EIF2AK2: variants seen among roughly 807,000 people sequenced by gnomAD.
EIF2AK2 encodes the protein eukaryotic translation initiation factor 2 alpha kinase 2.
Under a neutral mutation model 70.5 loss-of-function variants are expected in EIF2AK2, and 40 were observed. The ratio of observed to expected loss-of-function variants is 0.57; its 90% CI spans 0.44 to 0.74. The LOEUF is 0.74. Ranked by LOEUF, EIF2AK2 falls within the 30% of genes least tolerant of loss-of-function variation. EIF2AK2 has a pLI of 0.00. For missense variants in EIF2AK2, 555 were observed against 644.3 expected, an observed-to-expected ratio of 0.86 and a Z score of 1.50; for synonymous variants, 198 against 220.9, an observed-to-expected ratio of 0.90 and a Z score of 0.92.
At position 37,101,846 on chromosome 2, in the gene EIF2AK2, A is replaced by AT. The variant is rs1673834921; in HGVS notation, c.*5426dup. ...TATGATAATTAAGGAAATCTTGTCAATTTTTTGAGTGTGACAATGATGCTG... is the reference window on the plus strand; with the variant it reads ...TATGATAATTAAGGAAATCTTGTCAATTTTTTTGAGTGTGACAATGATGCTG... On this transcript the variant is annotated 3_prime_UTR_variant, in exon 17 of 17. Transcript: ENST00000233057. 1.3e-5 allele frequency: 2 copies of AT among 152,220 alleles called. No individual in the cohort carries two copies. Among genetic ancestry groups the AT allele is most frequent in the Non-Finnish European group, 2.9e-5 (2 of 68,038 alleles). The allele number at this position is 152,220 out of a possible 1,614,324, so 9.4% of individuals were successfully genotyped here. A position where few individuals can be genotyped will look rare whatever the true frequency, so the allele number is the denominator to read the frequency against.
At chr2:37,114,110 AT>A (rs772660364) in intron 14 of EIF2AK2, among the ~76,000 whole-genome samples, 13 of 152,162 alleles carry the variant, frequency 8.5e-5, no homozygotes, top group Non-Finnish European at 1.3e-4. Context: ...TGTCTCTACA[AT>A]AAATAAGTAA....
intron 13 of EIF2AK2, among the ~76,000 whole-genome samples, chr2:37,119,499 A>T (rs2148674778): frequency 6.6e-6 from 1 of 152,292 alleles, no homozygotes; most frequent in South Asian, 2.1e-4. Flanking sequence ...ATTTGCATGG[A>T]AATGTTCAGA....
chr2:37,132,635 C>T (rs573422742), intron 10 of EIF2AK2, among the ~76,000 whole-genome samples: 53 of 152,258 alleles, frequency 3.5e-4, no homozygotes, highest in South Asian at 2.1e-3. Flanking sequence ...ACATCCACAA[C>T]CTCTTGCACA....
chr2:37,154,718 G>A (rs182086575), intron 1 of EIF2AK2, among the ~76,000 whole-genome samples: 1,701 of 151,940 alleles, frequency 0.011, 29 homozygotes, highest in African/African-American at 0.039. Flanking sequence ...CCACCACCAC[G>A]CCCGGCTAAT....
At chr2:37,133,312 C>G (rs1675012934) in intron 10 of EIF2AK2, among the ~76,000 whole-genome samples, 1 of 152,138 alleles carries the variant, frequency 6.6e-6, no homozygotes. Context: ...TCCTTTTGTT[C>G]CACCTCAGGG....
chr2:37,146,830 T>C (rs1164173287), intron 4 of EIF2AK2, 23 bp downstream of exon 4: 3 of 1,470,486 alleles, frequency 2.0e-6, no homozygotes, highest in African/African-American at 2.1e-5. Flanking sequence ...TCCCATTTAT[T>C]AGGAAAAAAG....
intron 13 of EIF2AK2, among the ~76,000 whole-genome samples, chr2:37,115,840 A>C (rs1462497282): frequency 6.6e-6 from 1 of 152,070 alleles, no homozygotes; most frequent in Non-Finnish European, 1.5e-5. Flanking sequence ...CTAGCTCTGA[A>C]ATATTTTTAT....
chr2:37,136,808 C>T (rs1195688351), intron 9 of EIF2AK2, 175 bp downstream of exon 9: 2 of 536,676 alleles, frequency 3.7e-6, no homozygotes, highest in Non-Finnish European at 6.5e-6. Flanking sequence ...AGCATGTGCA[C>T]ATAGTCAAAG....
intron 2 of EIF2AK2, 66 bp from the exon 3 acceptor site, chr2:37,147,888 G>T: frequency 8.6e-7 from 1 of 1,161,140 alleles, no homozygotes; most frequent in Non-Finnish European, 1.3e-6. Context: ...GTTTCCCAAT[G>T]CAGTTTAGGA....
At position 37,108,602 on chromosome 2, in the gene EIF2AK2, C is replaced by T. The variant is rs530333537; in HGVS notation, c.1479+592G>A. ...TTATTTATTTAGAGATGGAATGTCA[C>T]TCTGTCACCCAGGCTGGAGTGCAGT... On this transcript the variant is annotated intron_variant, in intron 15 of 16. Coordinates refer to ENST00000233057, the MANE Select transcript of EIF2AK2 (RefSeq NM_001135651.3). Among the ~76,000 whole-genome samples, 3 of 152,308 alleles carry T rather than the reference C, an allele frequency of 2.0e-5. No homozygotes were observed. In the South Asian group the frequency reaches 6.2e-4, roughly 32 times the overall value.
chr2:37,108,990 G>A (rs560611461), intron 15 of EIF2AK2, among the ~76,000 whole-genome samples: 146 of 152,310 alleles, frequency 9.6e-4, no homozygotes, highest in African/African-American at 3.0e-3. Context: ...CTACCTTCCA[G>A]GGAAGATCAA....
chr2:37,132,244 C>A (rs1260670727), intron 10 of EIF2AK2, among the ~76,000 whole-genome samples: 1 of 152,140 alleles, frequency 6.6e-6, no homozygotes, highest in Non-Finnish European at 1.5e-5. Flanking sequence ...AGCGGGGGCA[C>A]AATTCAAACT....
intron 11 of EIF2AK2, 42 bp downstream of exon 11, chr2:37,126,247 C>T (rs765095885): frequency 9.1e-6 from 14 of 1,539,156 alleles, no homozygotes; most frequent in East Asian, 2.3e-5. Context: ...GCAGATTCAG[C>T]GTACCTTGCC....
At chr2:37,156,055 A>G (rs1675911849) in intron 1 of EIF2AK2, among the ~76,000 whole-genome samples, 1 of 152,104 alleles carries the variant, frequency 6.6e-6, no homozygotes, top group Non-Finnish European at 1.5e-5. Context: ...TTTCTTGTAT[A>G]GGCAGGTTGT....
intron 5 of EIF2AK2, 85 bp from the exon 6 acceptor site, chr2:37,139,842 CA>C: frequency 7.3e-7 from 1 of 1,370,268 alleles, no homozygotes; most frequent in Non-Finnish European, 1.0e-6. Flanking sequence ...AACATATTAA[CA>C]GAGATCTTAA....
intron 10 of EIF2AK2, among the ~76,000 whole-genome samples, chr2:37,134,805 C>A (rs1210102418): frequency 1.3e-5 from 2 of 152,188 alleles, no homozygotes; most frequent in African/African-American, 4.8e-5. Flanking sequence ...TCCCCACTAA[C>A]TGGACTGGAA....
intron 13 of EIF2AK2, among the ~76,000 whole-genome samples, chr2:37,116,457 G>A (rs1184483241): frequency 1.3e-5 from 2 of 152,160 alleles, no homozygotes; most frequent in Non-Finnish European, 2.9e-5. Flanking sequence ...TTTTTGAAAA[G>A]GCTGGACTTT....
chr2:37,121,643 C>G (rs73924978), intron 12 of EIF2AK2, among the ~76,000 whole-genome samples: 4,163 of 128,836 alleles, frequency 0.032, 183 homozygotes, highest in African/African-American at 0.11. Flanking sequence ...TTTTTGCTAA[C>G]CACGTTTTAT....
chr2:37,140,173 G>C (rs1170696485), intron 5 of EIF2AK2, among the ~76,000 whole-genome samples: 1 of 152,156 alleles, frequency 6.6e-6, no homozygotes, highest in Non-Finnish European at 1.5e-5. Flanking sequence ...CACAGGAGAA[G>C]CTATGAGGTT....
Sources: gnomAD v4.1 joint callset for allele counts (sites outside exome capture counted in the v4.1 genomes callset) on GRCh38, gnomAD v4.1.1 for gene constraint, MANE v1.5 for transcripts, NCBI Gene and HGNC (gene_info 2026-07-23, HGNC 2026-07-21) for gene names.